The following EYA2 variants were observed in gnomAD, a reference collection of about 807,000 sequenced individuals.
EYA2 encodes EYA transcriptional coactivator and phosphatase 2, also known as protein phosphatase EYA2.
Under a neutral mutation model 69.2 loss-of-function variants are expected in EYA2, and 31 were observed. The observed-to-expected ratio is 0.45, with a 90% CI of 0.34 to 0.60. The LOEUF is 0.60. EYA2 is among the 20% of genes least tolerant of loss of function. The probability of loss-of-function intolerance (pLI) is 0.02; values close to 1 mark genes in which losing one functional copy is unlikely to be tolerated. For missense variants in EYA2, 622 were observed against 701.2 expected, an observed-to-expected ratio of 0.89 and a Z score of 1.28; for synonymous variants, 257 against 279.4, an observed-to-expected ratio of 0.92 and a Z score of 0.80.
chr20:46,895,852 A>G lies in EYA2; in HGVS notation c.-11+865A>G, dbSNP rs183674493. ...GCAAAAGACTCAGTGCGCTTTTCTCAGCTGTTGAACTGGAAGCGCCTTTTG... is the reference window on the plus strand; with the variant it reads ...GCAAAAGACTCAGTGCGCTTTTCTCGGCTGTTGAACTGGAAGCGCCTTTTG... On this transcript the variant is annotated intron_variant, in intron 1 of 15. Transcript: ENST00000327619. 5.3e-4 allele frequency among the ~76,000 whole-genome samples: 81 copies of G among 152,308 alleles called. 1 individual carries two copies. In the East Asian group the frequency reaches 0.014, roughly 27 times the overall value.
At chr20:47,171,741 A>G (rs2034326056) in intron 11 of EYA2, among the ~76,000 whole-genome samples, 1 of 152,066 alleles carries the variant, frequency 6.6e-6, no homozygotes, top group African/African-American at 2.4e-5. Flanking sequence ...ATCTCCTAAC[A>G]TCTAGACATC....
intron 2 of EYA2, among the ~76,000 whole-genome samples, chr20:46,997,337 A>G (rs986027870): frequency 6.6e-6 from 1 of 152,102 alleles, no homozygotes; most frequent in African/African-American, 2.4e-5. Flanking sequence ...CTCCTCCAAC[A>G]CTGGGGATTA....
At chr20:47,041,677 G>A (rs552116951) in intron 5 of EYA2, among the ~76,000 whole-genome samples, 2 of 152,306 alleles carry the variant, frequency 1.3e-5, no homozygotes, top group East Asian at 3.9e-4. Context: ...TCGGTAGGAA[G>A]GTGTGCAGGG....
rs560721589 is a variant in EYA2 at position 47,159,833 on chromosome 20, T to C, written c.979-9306T>C. Among the ~76,000 whole-genome samples the C allele has an allele frequency of 1.6e-3, 243 of 151,972 alleles. 1 individual carries two copies. The highest frequency in any genetic ancestry group is 5.1e-3 in the African/African-American group (212 of 41,532). The stretch of plus-strand genomic sequence containing the variant: ...GGTGAAACCCTGTCTCTACTAAAAA[T>C]ACAAAAATTAGCCAGGCATGGTGGC... On this transcript the variant is annotated intron_variant, in intron 10 of 15. Coordinates refer to ENST00000327619, the MANE Select transcript of EYA2 (RefSeq NM_005244.5).
intron 4 of EYA2, among the ~76,000 whole-genome samples, chr20:47,006,270 C>T (rs1269935080): frequency 4.6e-5 from 7 of 152,224 alleles, no homozygotes; most frequent in Admixed American, 3.3e-4. Flanking sequence ...CCCGCAGGAC[C>T]AGGGGTCAGG....
intron 5 of EYA2, among the ~76,000 whole-genome samples, chr20:47,058,977 C>T (rs1203437484): frequency 6.6e-6 from 1 of 152,164 alleles, no homozygotes; most frequent in East Asian, 1.9e-4. Context: ...TGCCTGCTCC[C>T]GAAACACTAG....
intron 6 of EYA2, among the ~76,000 whole-genome samples, chr20:47,073,766 G>A (rs1210777878): frequency 6.6e-6 from 1 of 152,060 alleles, no homozygotes; most frequent in Non-Finnish European, 1.5e-5. Context: ...CCCCCTGGGT[G>A]CAGCTCTCAA....
At chr20:47,033,370 A>G (rs1249734064) in intron 5 of EYA2, among the ~76,000 whole-genome samples, 3 of 152,202 alleles carry the variant, frequency 2.0e-5, no homozygotes, top group South Asian at 2.1e-4. Flanking sequence ...AACTCTGCCA[A>G]TGCACTGTGA....
intron 5 of EYA2, among the ~76,000 whole-genome samples, chr20:47,062,540 C>T (rs888293895): frequency 4.6e-5 from 7 of 152,296 alleles, no homozygotes; most frequent in East Asian, 1.9e-4. Context: ...GTACATGTAG[C>T]GGCTCTCCTG....
At chr20:47,059,763 T>C (rs1309586231) in intron 5 of EYA2, among the ~76,000 whole-genome samples, 1 of 152,228 alleles carries the variant, frequency 6.6e-6, no homozygotes, top group African/African-American at 2.4e-5. Flanking sequence ...GGAATCTTAC[T>C]CAGTGCTAGT....
At chr20:47,168,633 G>A (rs1369666778) in intron 10 of EYA2, among the ~76,000 whole-genome samples, 1 of 151,808 alleles carries the variant, frequency 6.6e-6, no homozygotes. Flanking sequence ...GATGATCACA[G>A]ATCATGAGGC....
At chr20:47,036,088 T>C (rs1984693643) in intron 5 of EYA2, among the ~76,000 whole-genome samples, 1 of 152,160 alleles carries the variant, frequency 6.6e-6, no homozygotes, top group Non-Finnish European at 1.5e-5. Flanking sequence ...TTGGCCAGTA[T>C]TCACTCCCTT....
chr20:47,016,366 C>G (rs1465414417), intron 5 of EYA2, 69 bp downstream of exon 5: 1 of 1,197,390 alleles, frequency 8.4e-7, no homozygotes, highest in Non-Finnish European at 1.2e-6. Flanking sequence ...TCCATTCATT[C>G]ATTCATTCAG....
chr20:47,178,391 C>T (rs1457555190), intron 12 of EYA2, among the ~76,000 whole-genome samples: 1 of 150,362 alleles, frequency 6.7e-6, no homozygotes, highest in Admixed American at 6.6e-5. Flanking sequence ...TTTAGCCAGG[C>T]AAAAGCAGAA....
chr20:47,129,149 G>A (rs972951473), intron 9 of EYA2, among the ~76,000 whole-genome samples: 2 of 152,042 alleles, frequency 1.3e-5, no homozygotes, highest in Non-Finnish European at 2.9e-5. Flanking sequence ...AATTAACCAA[G>A]CATCTGCCAT....
chr20:47,155,931 C>T (rs1462308058), intron 10 of EYA2, among the ~76,000 whole-genome samples: 1 of 150,128 alleles, frequency 6.7e-6, no homozygotes, highest in African/African-American at 2.4e-5. Flanking sequence ...AATCCCAGCA[C>T]TTTGGGAGAC....
intron 2 of EYA2, among the ~76,000 whole-genome samples, chr20:46,991,360 T>C (rs946143783): frequency 6.6e-6 from 1 of 152,204 alleles, no homozygotes; most frequent in Non-Finnish European, 1.5e-5. Flanking sequence ...CTCAGTTTTC[T>C]CACCTGTCAA....
chr20:47,070,600 A>G (rs917725661), intron 5 of EYA2, among the ~76,000 whole-genome samples: 3 of 152,244 alleles, frequency 2.0e-5, no homozygotes, highest in Non-Finnish European at 4.4e-5. Context: ...GAATGCTTAT[A>G]TTGCATTATC....
At chr20:46,962,631 G>T (rs1048380858) in intron 1 of EYA2, among the ~76,000 whole-genome samples, 9 of 152,116 alleles carry the variant, frequency 5.9e-5, no homozygotes, top group Admixed American at 5.9e-4. Flanking sequence ...ATCATATGTC[G>T]CCTCTTCCAT....
Sources: gnomAD v4.1 joint callset for allele counts (sites outside exome capture counted in the v4.1 genomes callset) on GRCh38, gnomAD v4.1.1 for gene constraint, MANE v1.5 for transcripts, NCBI Gene and HGNC (gene_info 2026-07-23, HGNC 2026-07-21) for gene names.